The following PLEKHM2 variants were observed in gnomAD, a reference collection of about 807,000 sequenced individuals.
PLEKHM2 encodes pleckstrin homology and RUN domain containing M2, also known as pleckstrin homology domain-containing family M member 2.
In PLEKHM2, 77 loss-of-function variants were observed where a neutral mutation model predicts 116.3. The ratio of observed to expected loss-of-function variants is 0.66; its 90% CI spans 0.55 to 0.80. The LOEUF is 0.80. Ranked by LOEUF, PLEKHM2 falls within the 30% of genes least tolerant of loss-of-function variation. PLEKHM2 has a pLI of 0.00. For missense variants in PLEKHM2, 1,183 were observed against 1,354.9 expected (o/e 0.87, Z 1.99); for synonymous variants, 562 against 571.0 (o/e 0.98, Z 0.22).
At chr1:15,695,354 G>C (rs1320792534) in intron 1 of PLEKHM2, among the ~76,000 whole-genome samples, 5 of 152,120 alleles carry the variant, frequency 3.3e-5, no homozygotes, top group African/African-American at 1.2e-4. Flanking sequence ...AGACTGCTGA[G>C]GCATGAGAGT....
chr1:15,682,450 C>CA (rs58913655), upstream of PLEKHM2, among the ~76,000 whole-genome samples: 3,948 of 114,182 alleles, frequency 0.035, 91 homozygotes, highest in African/African-American at 0.057. Context: ...GACTCCGCCT[C>CA]AAAAAAAAAA....
intron 4 of PLEKHM2, 145 bp from the exon 5 acceptor site, chr1:15,718,393 G>A (rs1641488303): frequency 3.1e-6 from 2 of 641,512 alleles, no homozygotes; most frequent in African/African-American, 1.8e-5. Flanking sequence ...TGAGAGGGTG[G>A]TGGGCAACAG....
Position 15,725,169 on chromosome 1 carries a change from G to C in PLEKHM2, c.713-148G>C, listed in dbSNP as rs1282987384. 12 of 624,022 alleles carry C rather than the reference G, an allele frequency of 1.9e-5. No homozygotes were observed. The East Asian group carries it at 3.3e-4, about 17-fold the overall frequency. The allele number at this position is 624,022 out of a possible 1,614,324, so 38.7% of individuals were successfully genotyped here. A position where few individuals can be genotyped will look rare whatever the true frequency, so the allele number is the denominator to read the frequency against. ...AAAACCCCATGTCCTGTTAGGTTGT[G>C]GCTTCTACTCGAAATGGGGCCACCC... On this transcript the variant is annotated intron_variant, in intron 7 of 19. Coordinates refer to ENST00000375799, the MANE Select transcript of PLEKHM2 (RefSeq NM_015164.4).
chr1:15,716,041 G>C (rs2148356855), intron 1 of PLEKHM2, among the ~76,000 whole-genome samples, 196 bp from the exon 2 acceptor site: 1 of 152,348 alleles, frequency 6.6e-6, no homozygotes, highest in East Asian at 1.9e-4. Flanking sequence ...GGGCTGTAAA[G>C]ATACAGCTGT....
At chr1:15,690,426 A>G (rs1640866895) in intron 1 of PLEKHM2, among the ~76,000 whole-genome samples, 1 of 152,218 alleles carries the variant, frequency 6.6e-6, no homozygotes, top group Admixed American at 6.5e-5. Flanking sequence ...CCACATGGCA[A>G]ATATTTTCAG....
chr1:15,721,806 G>A lies in PLEKHM2; in HGVS notation c.712+418G>A, dbSNP rs1403619650. 6.6e-6 allele frequency among the ~76,000 whole-genome samples: 1 copy of A among 152,230 alleles called. No homozygotes were observed. Among genetic ancestry groups the A allele is most frequent in the Admixed American group, 6.5e-5 (1 of 15,276 alleles). On this transcript the variant is annotated intron_variant, in intron 7 of 19. Coordinates refer to ENST00000375799, the MANE Select transcript of PLEKHM2 (RefSeq NM_015164.4). The surrounding 1 kb of genome is among the most constrained non-coding windows in gnomAD (Gnocchi z 5.1). Reference sequence around the variant, plus strand: ...GATGAGCATCGAAGAGAAAGAGCTTGATTCTTTCAGTCTGTTCCTAATGGC... The same window carrying A: ...GATGAGCATCGAAGAGAAAGAGCTTAATTCTTTCAGTCTGTTCCTAATGGC...
At chr1:15,718,986 AG>A (rs1311617436) in intron 5 of PLEKHM2, among the ~76,000 whole-genome samples, 1 of 152,204 alleles carries the variant, frequency 6.6e-6, no homozygotes, top group African/African-American at 2.4e-5. Flanking sequence ...GGTTCTGAAA[AG>A]TGTCATCAGC....
At chr1:15,695,059 C>T (rs1412307825) in intron 1 of PLEKHM2, among the ~76,000 whole-genome samples, 1 of 152,086 alleles carries the variant, frequency 6.6e-6, no homozygotes, top group Non-Finnish European at 1.5e-5. Flanking sequence ...CACCTGGCCT[C>T]ATGCTGTGTA....
chr1:15,716,909 C>G lies in PLEKHM2; in HGVS notation c.277+93C>G, dbSNP rs549496348. The G allele has an allele frequency of 2.0e-6, 3 of 1,476,952 alleles. No individual in the cohort carries two copies. In the South Asian group the frequency reaches 3.7e-5, roughly 18 times the overall value. 91.5% of individuals were successfully genotyped at this position (1,476,952 alleles called of 1,614,324 possible). On this transcript the variant is annotated intron_variant, in intron 3 of 19. Coordinates refer to ENST00000375799, the MANE Select transcript of PLEKHM2 (RefSeq NM_015164.4). Reference sequence around the variant, plus strand: ...GTCCCAGGTTTACCCTCAGGGTCAGCCCTGGGAGGCAAATTACCTGGTGGT... The same window carrying G: ...GTCCCAGGTTTACCCTCAGGGTCAGGCCTGGGAGGCAAATTACCTGGTGGT...
chr1:15,705,727 G>A (rs1342042587), intron 1 of PLEKHM2, among the ~76,000 whole-genome samples: 1 of 151,982 alleles, frequency 6.6e-6, no homozygotes. Flanking sequence ...TCCCATTGTC[G>A]GGGCTGCTAG....
At chr1:15,720,581 T>C (rs77433312) in intron 6 of PLEKHM2, 13 of 477,908 alleles carry the variant, frequency 2.7e-5, no homozygotes, top group Non-Finnish European at 3.5e-5. Flanking sequence ...CTGGCCATTT[T>C]CCCCTCTTTA....
chr1:15,682,323 C>T (rs955445002), upstream of PLEKHM2, among the ~76,000 whole-genome samples: 6 of 148,310 alleles, frequency 4.0e-5, no homozygotes, highest in African/African-American at 1.2e-4. Flanking sequence ...TGGTGGCAGG[C>T]GCCCGTAATC....
chr1:15,705,982 G>A (rs1641217811), intron 1 of PLEKHM2, among the ~76,000 whole-genome samples: 1 of 152,090 alleles, frequency 6.6e-6, no homozygotes, highest in African/African-American at 2.4e-5. Context: ...CCAGCTACTC[G>A]GGAGGTTGAA....
At chr1:15,711,970 T>C (rs550487872) in intron 1 of PLEKHM2, among the ~76,000 whole-genome samples, 1 of 151,748 alleles carries the variant, frequency 6.6e-6, no homozygotes, top group African/African-American at 2.4e-5. Flanking sequence ...AGTACAAAAT[T>C]AGCCGGGCAC....
Position 15,734,140 on chromosome 1 carries a change from CAGGT to C in PLEKHM2, c.*209_*212del. ...CGGCACCCCTGGGCATCCTGCCCGA[CAGGT>C]AGCGAATGGAGGTCGCTGGGGGCAG... On this transcript the variant is annotated 3_prime_UTR_variant, in exon 20 of 20. Transcript: ENST00000375799. 1 of 597,060 alleles carries C rather than the reference CAGGT, an allele frequency of 1.7e-6. No homozygotes were observed. The highest frequency in any genetic ancestry group is 2.9e-6 in the Non-Finnish European group (1 of 348,782). 37.0% of individuals were successfully genotyped at this position (597,060 alleles called of 1,614,324 possible).
At chr1:15,730,421 G>T in intron 14 of PLEKHM2, 111 bp from the exon 15 acceptor site, 1 of 833,196 alleles carries the variant, frequency 1.2e-6, no homozygotes, top group Non-Finnish European at 1.8e-6. Context: ...CAGCCTGGGC[G>T]ACAGAGCGAG....
intron 1 of PLEKHM2, among the ~76,000 whole-genome samples, chr1:15,715,457 C>G (rs1641426010): frequency 6.6e-6 from 1 of 152,196 alleles, no homozygotes; most frequent in African/African-American, 2.4e-5. Flanking sequence ...GCCTGGCCAA[C>G]ATGGCGAAAC....
intron 17 of PLEKHM2, 36 bp downstream of exon 17, chr1:15,732,084 GC>G: frequency 6.3e-7 from 1 of 1,592,936 alleles, no homozygotes; most frequent in Non-Finnish European, 8.6e-7. Context: ...CACCTGGCTT[GC>G]CTGACCCACC....
At chr1:15,732,204 A>G in intron 17 of PLEKHM2, 146 bp from the exon 18 acceptor site, 1 of 567,240 alleles carries the variant, frequency 1.8e-6, no homozygotes. Context: ...CAGAGGCATC[A>G]CCCCCATCCC....
Sources: allele counts gnomAD v4.1 joint callset (sites outside exome capture counted in the v4.1 genomes callset), GRCh38; gene constraint gnomAD v4.1.1; non-coding constraint Gnocchi (gnomAD v3.1); transcripts MANE v1.5; gene names NCBI Gene and HGNC (gene_info 2026-07-23, HGNC 2026-07-21).